Variants in TMEM272 observed in about 807,000 individuals in gnomAD.
TMEM272 encodes the protein long intergenic non-protein coding RNA 282.
TMEM272 carries 8 observed loss-of-function variants against 3.7 expected under a neutral mutation model. That is an observed-to-expected ratio of 2.17 (90% confidence interval 1.27 to 3.91). TMEM272 has a LOEUF of 3.91. TMEM272 is among the 30% of genes most tolerant of loss of function. The pLI is 0.00. For missense variants in TMEM272, 166 were observed against 91.5 expected (o/e 1.81, Z -3.32); for synonymous variants, 63 against 39.8 (o/e 1.58, Z -2.20).
At chr13:51,879,359 C>CT in the TMEM272 span, among the ~76,000 whole-genome samples, 148,292 of 152,128 alleles carry the variant, frequency 0.97, 72,294 homozygotes, top group East Asian at 1. Context: ...GCTCATGTTC[C>CT]TTTTCTTGAA....
chr13:51,832,477 A>T (rs1290481408), intron 2 of TMEM272, among the ~76,000 whole-genome samples: 4 of 152,232 alleles, frequency 2.6e-5, no homozygotes, highest in Non-Finnish European at 1.5e-5. Context: ...TCGGGGCTCC[A>T]CTGAGCTATC....
the TMEM272 span, among the ~76,000 whole-genome samples, chr13:51,924,464 G>A: frequency 6.6e-6 from 1 of 152,092 alleles, no homozygotes; most frequent in South Asian, 2.1e-4. Context: ...TCTGTTGATG[G>A]TCTCCACAAT....
intron 4 of TMEM272, among the ~76,000 whole-genome samples, chr13:51,817,474 C>G (rs1031689973): frequency 1.3e-5 from 2 of 152,108 alleles, no homozygotes; most frequent in African/African-American, 2.4e-5. Flanking sequence ...ACATTTGCAC[C>G]CACACATAAT....
intron 1 of TMEM272, among the ~76,000 whole-genome samples, chr13:51,838,970 T>C (rs1224235984): frequency 6.6e-6 from 1 of 152,152 alleles, no homozygotes; most frequent in African/African-American, 2.4e-5. Flanking sequence ...TTAGAGACCC[T>C]GAGAGCTTAA....
upstream of TMEM272, among the ~76,000 whole-genome samples, chr13:51,850,034 T>C (rs968320335): frequency 1.3e-5 from 2 of 152,136 alleles, no homozygotes; most frequent in African/African-American, 2.4e-5. Context: ...AGGCAATGTA[T>C]TGAGACTAAA....
At chr13:51,907,788 T>C in the TMEM272 span, among the ~76,000 whole-genome samples, 1 of 152,244 alleles carries the variant, frequency 6.6e-6, no homozygotes, top group Non-Finnish European at 1.5e-5. Context: ...CATCTCTCCA[T>C]ACCTGAAGAA....
chr13:51,894,518 G>A, the TMEM272 span, among the ~76,000 whole-genome samples: 1 of 152,198 alleles, frequency 6.6e-6, no homozygotes, highest in African/African-American at 2.4e-5. Flanking sequence ...GATGGTGGTT[G>A]GCTGGGGTTT....
the TMEM272 span, among the ~76,000 whole-genome samples, chr13:51,900,378 T>C: frequency 1.3e-5 from 2 of 152,200 alleles, no homozygotes; most frequent in Non-Finnish European, 2.9e-5. Flanking sequence ...CATGGAAAGA[T>C]GCTCAACACT....
chr13:51,831,111 C>T (rs988005858), intron 2 of TMEM272, among the ~76,000 whole-genome samples: 2 of 152,182 alleles, frequency 1.3e-5, no homozygotes, highest in African/African-American at 4.8e-5. Flanking sequence ...CAAATGGCGC[C>T]TGGAAATCTG....
At chr13:51,893,158 G>A in the TMEM272 span, among the ~76,000 whole-genome samples, 3 of 152,156 alleles carry the variant, frequency 2.0e-5, no homozygotes, top group Non-Finnish European at 4.4e-5. Context: ...TCTCTCCAAG[G>A]GTTCACAGGA....
At chr13:51,888,891 CAGCTCAGCCTCCCAAAGTGCTGGGATT>C in the TMEM272 span, among the ~76,000 whole-genome samples, 1 of 152,060 alleles carries the variant, frequency 6.6e-6, no homozygotes, top group Non-Finnish European at 1.5e-5. Context: ...GTGATCCACC[CAGCTCAGCCTCCCAAAGTGCTGGGATT>C]ACAGGTATGA....
At chr13:51,826,166 G>A (rs752493941) in intron 3 of TMEM272, among the ~76,000 whole-genome samples, 5 of 144,354 alleles carry the variant, frequency 3.5e-5, no homozygotes, top group Admixed American at 6.8e-5. Flanking sequence ...AATGTATAGA[G>A]TGCCCATACA....
the TMEM272 span, among the ~76,000 whole-genome samples, chr13:51,889,998 C>A: frequency 6.6e-6 from 1 of 152,056 alleles, no homozygotes; most frequent in Non-Finnish European, 1.5e-5. Context: ...AAACGGGGTG[C>A]ATGGAGGGGC....
At chr13:51,868,079 G>C in the TMEM272 span, among the ~76,000 whole-genome samples, 1 of 152,196 alleles carries the variant, frequency 6.6e-6, no homozygotes, top group Non-Finnish European at 1.5e-5. Flanking sequence ...CTTTCTTCTT[G>C]TTCCCTGCCA....
chr13:51,905,973 C>G, the TMEM272 span, among the ~76,000 whole-genome samples: 2 of 152,360 alleles, frequency 1.3e-5, no homozygotes, highest in Middle Eastern at 3.4e-3. Flanking sequence ...CAGGATGAAG[C>G]TCCACCACTG....
chr13:51,899,918 A>C, the TMEM272 span, among the ~76,000 whole-genome samples: 239 of 152,338 alleles, frequency 1.6e-3, no homozygotes, highest in African/African-American at 5.4e-3. Flanking sequence ...TCTTTTCAAT[A>C]AGTGGTGCTG....
At chr13:51,851,140 G>C in the TMEM272 span, among the ~76,000 whole-genome samples, 1 of 152,134 alleles carries the variant, frequency 6.6e-6, no homozygotes, top group Admixed American at 6.5e-5. Flanking sequence ...TTTGAGACCA[G>C]CTGGGCAACA....
the TMEM272 span, among the ~76,000 whole-genome samples, chr13:51,854,887 T>G: frequency 1.3e-5 from 2 of 152,186 alleles, no homozygotes; most frequent in Non-Finnish European, 2.9e-5. Context: ...TATGTCACTC[T>G]TTTGGTTATA....
At chr13:51,913,685 G>T in the TMEM272 span, among the ~76,000 whole-genome samples, 1 of 152,174 alleles carries the variant, frequency 6.6e-6, no homozygotes, top group Non-Finnish European at 1.5e-5. Flanking sequence ...TAATGACCAG[G>T]AAGTCTCCAG....
Sources: gnomAD v4.1 joint callset for allele counts (sites outside exome capture counted in the v4.1 genomes callset) on GRCh38, gnomAD v4.1.1 for gene constraint, MANE v1.5 for transcripts, NCBI Gene and HGNC (gene_info 2026-07-23, HGNC 2026-07-21) for gene names.